The following SYT1 variants were observed in gnomAD, a reference collection of about 807,000 sequenced individuals.
The protein encoded by SYT1 is synaptotagmin 1, also known as synaptotagmin-1.
Under a neutral mutation model 44.8 loss-of-function variants are expected in SYT1, and 8 were observed. The observed-to-expected ratio is 0.18, with a 90% CI of 0.10 to 0.32. The LOEUF is 0.32. Ranked by LOEUF, SYT1 falls within the 10% of genes least tolerant of loss-of-function variation. SYT1 has a pLI of 1.00. For missense variants in SYT1, 286 were observed against 509.3 expected, an observed-to-expected ratio of 0.56 and a Z score of 4.22; for synonymous variants, 154 against 188.8, an observed-to-expected ratio of 0.82 and a Z score of 1.51.
At chr12:79,259,814 C>A (rs1422498583) in intron 4 of SYT1, among the ~76,000 whole-genome samples, 1 of 152,152 alleles carries the variant, frequency 6.6e-6, no homozygotes, top group African/African-American at 2.4e-5. Context: ...TGCAAATATA[C>A]CTTAGAACTA....
intron 3 of SYT1, among the ~76,000 whole-genome samples, chr12:79,079,572 A>T (rs895797634): frequency 6.6e-6 from 1 of 152,116 alleles, no homozygotes; most frequent in Non-Finnish European, 1.5e-5. Context: ...AAATAAAATT[A>T]ATGTATCAAA....
intron 4 of SYT1, among the ~76,000 whole-genome samples, chr12:79,222,860 TTC>T (rs1398806414): frequency 2.0e-5 from 3 of 152,216 alleles, no homozygotes; most frequent in Admixed American, 2.0e-4. Context: ...AGATTCTTTC[TTC>T]TGTTTGACCA....
intron 3 of SYT1, among the ~76,000 whole-genome samples, chr12:79,141,470 T>C (rs1869552859): frequency 6.6e-6 from 1 of 152,106 alleles, no homozygotes; most frequent in Non-Finnish European, 1.5e-5. Flanking sequence ...TCATTTTGTT[T>C]TCTTCCATTT....
chr12:79,024,965 C>G (rs1440668226), intron 2 of SYT1, among the ~76,000 whole-genome samples: 1 of 151,662 alleles, frequency 6.6e-6, no homozygotes, highest in African/African-American at 2.4e-5. Flanking sequence ...CTTTGATAGT[C>G]TAAAGCAAAG....
intron 4 of SYT1, among the ~76,000 whole-genome samples, chr12:79,269,773 A>G (rs74666554): frequency 0.018 from 2,671 of 152,206 alleles, 29 homozygotes; most frequent in Non-Finnish European, 0.026. Flanking sequence ...ATCATATTTT[A>G]AACTGGACAT....
chr12:79,447,281 G>C (rs1284934444), intron 10 of SYT1, among the ~76,000 whole-genome samples: 5 of 151,676 alleles, frequency 3.3e-5, no homozygotes, highest in Non-Finnish European at 7.4e-5. Flanking sequence ...AAATAATTGA[G>C]TATTTCACAT....
At chr12:79,292,724 C>G (rs952901254) in intron 6 of SYT1, among the ~76,000 whole-genome samples, 2 of 152,004 alleles carry the variant, frequency 1.3e-5, no homozygotes, top group East Asian at 3.9e-4. Flanking sequence ...GAATATTGCC[C>G]AAAAAGTGAC....
intron 1 of SYT1, among the ~76,000 whole-genome samples, chr12:78,876,257 C>T (rs996856085): frequency 6.6e-6 from 1 of 151,372 alleles, no homozygotes; most frequent in Non-Finnish European, 1.5e-5. Context: ...ACTCAATAAC[C>T]TAAGTCTACC....
intron 9 of SYT1, among the ~76,000 whole-genome samples, chr12:79,438,278 T>C (rs942138647): frequency 1.7e-4 from 26 of 152,154 alleles, no homozygotes; most frequent in Non-Finnish European, 1.5e-5. Flanking sequence ...AAAAAAAAGA[T>C]GGCAGATTCA....
intron 9 of SYT1, among the ~76,000 whole-genome samples, chr12:79,375,782 G>A (rs1004829701): frequency 6.6e-6 from 1 of 151,934 alleles, no homozygotes; most frequent in African/African-American, 2.4e-5. Context: ...AGATTGTGGG[G>A]CCATGTCATC....
chr12:79,112,023 C>A (rs1474966460), intron 3 of SYT1, among the ~76,000 whole-genome samples: 7 of 141,416 alleles, frequency 4.9e-5, no homozygotes, highest in Non-Finnish European at 6.2e-5. Flanking sequence ...TAGAAAGGAT[C>A]AGGAAAAAAA....
In SYT1 at chr12:79,219,218, T is replaced by C. The variant is rs138530047; in HGVS notation, c.166+1533T>C. Among the ~76,000 whole-genome samples the C allele has an allele frequency of 7.2e-3, 1,094 of 152,132 alleles. 5 individuals are homozygous for C. The highest frequency in any genetic ancestry group is 0.037 in the Middle Eastern group (11 of 294). ...CTTTTGATTGGTTTATTTGTTTTCT[T>C]GCTGTTTGAGGTCCTTATATATTTT... On this transcript the variant is annotated intron_variant, in intron 4 of 10. Coordinates refer to ENST00000261205, the MANE Select transcript of SYT1 (RefSeq NM_005639.3).
intron 3 of SYT1, among the ~76,000 whole-genome samples, chr12:79,159,651 T>G (rs965312869): frequency 3.9e-5 from 6 of 152,184 alleles, no homozygotes; most frequent in Admixed American, 1.3e-4. Flanking sequence ...TTCAGTACTA[T>G]CTAAGGCTTC....
Position 78,931,453 on chromosome 12 carries a change from G to A in SYT1, c.-216-46346G>A, listed in dbSNP as rs192696926. On this transcript the variant is annotated intron_variant, in intron 1 of 10. Coordinates refer to ENST00000261205, the MANE Select transcript of SYT1 (RefSeq NM_005639.3). Reference sequence around the variant, plus strand: ...GAAGGAAAAGAAAGAAATAGAGAGAGAGAAAGAAAGAAAAAGAAAGAAAGA... The same window carrying A: ...GAAGGAAAAGAAAGAAATAGAGAGAAAGAAAGAAAGAAAAAGAAAGAAAGA... Among the ~76,000 whole-genome samples, 1,386 of 147,496 alleles carry A rather than the reference G, an allele frequency of 9.4e-3. 26 individuals carry two copies. The highest frequency in any genetic ancestry group is 1.0e-2 in the Non-Finnish European group (670 of 67,190).
chr12:78,875,343 G>A (rs1047321805), intron 1 of SYT1, among the ~76,000 whole-genome samples: 3 of 151,534 alleles, frequency 2.0e-5, no homozygotes, highest in Non-Finnish European at 4.4e-5. Flanking sequence ...TTCTAAGGAA[G>A]AAGAGAGACC....
chr12:79,330,784 A>C (rs1242043487), intron 8 of SYT1, among the ~76,000 whole-genome samples: 1 of 152,164 alleles, frequency 6.6e-6, no homozygotes, highest in Admixed American at 6.5e-5. Context: ...TACTATTATC[A>C]TTTGGATTTT....
intron 2 of SYT1, among the ~76,000 whole-genome samples, chr12:79,008,407 C>G (rs1218812569): frequency 6.6e-6 from 1 of 152,060 alleles, no homozygotes; most frequent in African/African-American, 2.4e-5. Flanking sequence ...GGACTTAATT[C>G]TAATTACAAT....
intron 9 of SYT1, among the ~76,000 whole-genome samples, chr12:79,358,768 C>T (rs57131119): frequency 0.022 from 3,390 of 152,136 alleles, 125 homozygotes; most frequent in African/African-American, 0.072. Context: ...TGCCCAAAGC[C>T]GAAACATCAA....
chr12:79,068,252 A>G (rs1330601715), intron 3 of SYT1, among the ~76,000 whole-genome samples: 1 of 152,168 alleles, frequency 6.6e-6, no homozygotes, highest in Non-Finnish European at 1.5e-5. Context: ...CCTGCTTTCA[A>G]TTTTGGAGAT....
Sources: allele counts gnomAD v4.1 joint callset (sites outside exome capture counted in the v4.1 genomes callset), GRCh38; gene constraint gnomAD v4.1.1; transcripts MANE v1.5; gene names NCBI Gene and HGNC (gene_info 2026-07-23, HGNC 2026-07-21).